DGKA: variants seen among roughly 807,000 people sequenced by gnomAD.
DGKA encodes 80 kDa diacylglycerol kinase.
A neutral mutation model predicts 105.0 loss-of-function variants in DGKA; 35 were observed. The observed-to-expected ratio is 0.33, with a 90% CI of 0.25 to 0.44. DGKA has a LOEUF of 0.44. Among genes scored for constraint, DGKA ranks in the 20% least tolerant of loss-of-function variants. The pLI, the probability that DGKA is intolerant of heterozygous loss-of-function variation, is 1.00. For synonymous variants in DGKA, 296 were observed against 332.0 expected (o/e 0.89, Z 1.18); for missense variants, 665 against 915.0 (o/e 0.73, Z 3.53).
chr12:55,929,680 T>G (rs1883281404), upstream of DGKA: 1 of 152,240 alleles, frequency 6.6e-6, no homozygotes, highest in Non-Finnish European at 1.5e-5. Context: ...TGTGGTTGAT[T>G]AAAGAAATGA....
At position 55,938,566 on chromosome 12, in the gene DGKA, T is replaced by C. The variant is rs774817032; in HGVS notation, c.399+6T>C. On this transcript the variant is annotated splice_donor_region_variant and intron_variant, in intron 6 of 23. Coordinates refer to ENST00000331886, the MANE Select transcript of DGKA (RefSeq NM_001345.5). The stretch of plus-strand genomic sequence containing the variant: ...ATGGGATCCTGGACAGCTCAGTGAG[T>C]TGGGGACCCTGTATGCTGGGCAAGG... The C allele has an allele frequency of 1.2e-6, 2 of 1,613,968 alleles. No homozygotes were observed. Among genetic ancestry groups the C allele is most frequent in the Admixed American group, 3.3e-5 (2 of 59,998 alleles).
At chr12:55,944,856 G>A (rs1173869771) in intron 17 of DGKA, among the ~76,000 whole-genome samples, 2 of 152,110 alleles carry the variant, frequency 1.3e-5, no homozygotes, top group African/African-American at 4.8e-5. Flanking sequence ...CTGGAGTGCA[G>A]TGGCACAATC....
intron 1 of DGKA, 89 bp from the exon 2 acceptor site, chr12:55,936,330 AATAG>A: frequency 7.4e-7 from 1 of 1,360,510 alleles, no homozygotes; most frequent in Non-Finnish European, 9.7e-7. Context: ...AACAAAAAAT[AATAG>A]TGGGAGTAGA....
At position 55,941,980 on chromosome 12, in the gene DGKA, C is replaced by T. The variant is rs763368973; in HGVS notation, c.1251-18C>T. On this transcript the variant is annotated intron_variant, in intron 15 of 23. Transcript: ENST00000331886. ...GTCCTGTTATCCTTCTTCATATTCT[C>T]TCTCCCCTTTGTCTCAGGCTCCGAT... The T allele has an allele frequency of 6.2e-7, 1 of 1,613,666 alleles. No individual in the cohort carries two copies. Among genetic ancestry groups the T allele is most frequent in the South Asian group, 1.1e-5 (1 of 90,960 alleles).
In DGKA at chr12:55,942,191, G is replaced by C. The variant is rs769182018; in HGVS notation, c.1354G>C (p.Val452Leu). The change falls in exon 17 of 24, where the codon GTT becomes CTT. Residue 452 changes from valine to leucine, a missense_variant. Physicochemically the swap from Val to Leu is conservative, Grantham distance 32 (BLOSUM62 1). Transcript: ENST00000331886. ...CTCCGCAGACAAAGCTAACTTGCCAGTTTTGCCTCCTGTTGCTGTGTTGCC... is the reference window on the plus strand; with the variant it reads ...CTCCGCAGACAAAGCTAACTTGCCACTTTTGCCTCCTGTTGCTGTGTTGCC... ...LETIDKANLP[V>L]LPPVAVLPLG... 3 of 1,614,240 alleles carry C rather than the reference G, an allele frequency of 1.9e-6. No individual in the cohort carries two copies. Among genetic ancestry groups the C allele is most frequent in the Non-Finnish European group, 2.5e-6 (3 of 1,180,040 alleles).
intron 23 of DGKA, 36 bp downstream of exon 23, chr12:55,953,446 T>C (rs780153152): frequency 4.4e-6 from 7 of 1,603,902 alleles, no homozygotes; most frequent in Non-Finnish European, 6.0e-6. Context: ...AATTAAACCC[T>C]TGGGCTCCAT....
chr12:55,953,246 A>G, intron 22 of DGKA, 86 bp downstream of exon 22: 1 of 1,610,404 alleles, frequency 6.2e-7, no homozygotes, highest in Non-Finnish European at 8.5e-7. Context: ...GAGGGGCTTT[A>G]CTAGATCTCC....
At chr12:55,941,463 C>G in intron 14 of DGKA, 47 bp from the exon 15 acceptor site, 1 of 1,605,606 alleles carries the variant, frequency 6.2e-7, no homozygotes, top group East Asian at 2.2e-5. Flanking sequence ...AGAAGATCAC[C>G]CCCAACCCCC....
chr12:55,930,884 C>T (rs1883535215), upstream of DGKA: 1 of 152,202 alleles, frequency 6.6e-6, no homozygotes, highest in South Asian at 2.1e-4. Flanking sequence ...CTTAGATATC[C>T]CTGTTTCCAC....
upstream of DGKA, among the ~76,000 whole-genome samples, chr12:55,930,233 T>C (rs924961798): frequency 6.6e-6 from 1 of 152,104 alleles, no homozygotes; most frequent in Non-Finnish European, 1.5e-5. Flanking sequence ...GGACTTAGTG[T>C]ATAAAAGGCC....
At chr12:55,946,427 G>A (rs1384094745) in intron 17 of DGKA, among the ~76,000 whole-genome samples, 1 of 152,178 alleles carries the variant, frequency 6.6e-6, no homozygotes, top group Non-Finnish European at 1.5e-5. Context: ...CGCGATCTCA[G>A]CTCACTGCAA....
intron 5 of DGKA, 148 bp from the exon 6 acceptor site, chr12:55,938,363 C>T: frequency 9.9e-7 from 1 of 1,009,962 alleles, no homozygotes; most frequent in Non-Finnish European, 1.5e-6. Context: ...TTTTCCTTTC[C>T]TTTTTGTCTC....
chr12:55,942,123 T>C, intron 16 of DGKA, 40 bp downstream of exon 16: 1 of 1,613,922 alleles, frequency 6.2e-7, no homozygotes, highest in Non-Finnish European at 8.5e-7. Flanking sequence ...ATTGGGGTCG[T>C]AGTCTTGCAG....
upstream of DGKA, chr12:55,927,616 G>C (rs1883219214): frequency 7.1e-7 from 1 of 1,400,716 alleles, no homozygotes; most frequent in South Asian, 1.3e-5. Flanking sequence ...CTAACCCTAA[G>C]AAGGTGGGGA....
In DGKA at chr12:55,939,464, G is replaced by A. The variant is rs527903962; in HGVS notation, c.644G>A (p.Arg215Lys). 6.2e-7 allele frequency: 1 copy of A among 1,614,212 alleles called. No individual in the cohort carries two copies. Among genetic ancestry groups the A allele is most frequent in the Non-Finnish European group, 8.5e-7 (1 of 1,180,040 alleles). Residue 215 changes from arginine (R) to lysine (K), a missense_variant, in exon 9 of 24, where the codon AGA becomes AAA. This residue lies in a region of DGKA where 504 missense variants were observed against 681.2 expected (regional missense o/e 0.74). Coordinates refer to ENST00000331886, the MANE Select transcript of DGKA (RefSeq NM_001345.5). The part of the protein sequence containing the change: ...QHMWRPKRFP[R>K]PVYCNLCESS... The stretch of plus-strand genomic sequence containing the variant: ...ATGTGGAGGCCCAAGAGGTTCCCCA[G>A]ACCAGTCTACTGCAATCTGTGCGAG...
chr12:55,953,043 TAAGTGAC>T lies in DGKA; in HGVS notation c.1950_1956del (p.Ser650ArgfsTer83). On this transcript the variant is annotated frameshift_variant, in exon 22 of 24. Transcript: ENST00000331886. LOFTEE classifies it high-confidence loss of function. ...TTACTCCCTACTTCGTCCCCAGACC[TAAGTGAC>T]AAGAGACTGGAAGTGGTTGGGCTGG... 6.2e-7 allele frequency: 1 copy of T among 1,614,164 alleles called. No individual in the cohort carries two copies. The highest frequency in any genetic ancestry group is 8.5e-7 in the Non-Finnish European group (1 of 1,180,022).
rs75411784 is a variant in DGKA at position 55,932,709 on chromosome 12, G to A, written c.-82+1365G>A. 5.7e-4 allele frequency: 282 copies of A among 498,784 alleles called. No homozygotes were observed. The highest frequency in any genetic ancestry group is 2.0e-3 in the South Asian group (82 of 41,656). 30.9% of individuals were successfully genotyped at this position (498,784 alleles called of 1,614,324 possible). On this transcript the variant is annotated intron_variant, in intron 1 of 23. Coordinates refer to ENST00000331886, the MANE Select transcript of DGKA (RefSeq NM_001345.5). This position sits in a 1 kb window ranked among gnomAD's most constrained non-coding sequence, Gnocchi z 4.3. Reference sequence around the variant, plus strand: ...ACACCCTCTACACACACACACACACGCACACACACACACACACACACACAC... The same window carrying A: ...ACACCCTCTACACACACACACACACACACACACACACACACACACACACAC...
rs1888497044 is a variant in DGKA at position 55,953,177 on chromosome 12, C to T, written c.2063+17C>T. On this transcript the variant is annotated intron_variant, in intron 22 of 23. Coordinates refer to ENST00000331886, the MANE Select transcript of DGKA (RefSeq NM_001345.5). ...CACCTTCCAGTAAGGAAGACTCCACCAGGGTCCCTGAGGGAAGGTGTGGGG... is the reference window on the plus strand; with the variant it reads ...CACCTTCCAGTAAGGAAGACTCCACTAGGGTCCCTGAGGGAAGGTGTGGGG... 6.2e-7 allele frequency: 1 copy of T among 1,613,880 alleles called. No individual in the cohort carries two copies. The highest frequency in any genetic ancestry group is 1.3e-5 in the African/African-American group (1 of 74,886).
chr12:55,928,807 T>C (rs969199735), upstream of DGKA, among the ~76,000 whole-genome samples: 6 of 151,888 alleles, frequency 4.0e-5, no homozygotes, highest in East Asian at 1.2e-3. Context: ...ATCCTCCATG[T>C]CTGTGACTTC....
Sources: gnomAD v4.1 joint callset for allele counts (sites outside exome capture counted in the v4.1 genomes callset) on GRCh38, gnomAD v4.1.1 for gene constraint, gnomAD v4.1.1 regional missense constraint, Gnocchi (gnomAD v3.1) non-coding constraint, MANE v1.5 for transcripts, NCBI Gene and HGNC (gene_info 2026-07-23, HGNC 2026-07-21) for gene names.